The following NPAS3 variants were observed in gnomAD, a reference collection of about 807,000 sequenced individuals.
The protein encoded by NPAS3 is neuronal PAS domain-containing protein 3.
NPAS3 carries 14 observed loss-of-function variants against 73.1 expected under a neutral mutation model. That is an observed-to-expected ratio of 0.19 (90% CI 0.13 to 0.30). The LOEUF (loss-of-function observed/expected upper bound fraction) is 0.30, where lower values mean the gene tolerates loss of function less well. NPAS3 is among the 10% of genes least tolerant of loss of function. NPAS3 has a pLI of 1.00. For missense variants in NPAS3, 1,096 were observed against 1,250.0 expected (o/e 0.88, Z 1.86); for synonymous variants, 620 against 541.5 (o/e 1.14, Z -2.01).
At chr14:33,295,868 G>A (rs1331375798) in intron 3 of NPAS3, among the ~76,000 whole-genome samples, 2 of 152,154 alleles carry the variant, frequency 1.3e-5, no homozygotes, top group Non-Finnish European at 2.9e-5. Flanking sequence ...AGAATACAAT[G>A]GGATGGAATT....
At chr14:32,960,436 C>T (rs1485384377) in intron 1 of NPAS3, among the ~76,000 whole-genome samples, 1 of 152,086 alleles carries the variant, frequency 6.6e-6, no homozygotes, top group African/African-American at 2.4e-5. Context: ...AAAAGACATA[C>T]CTCTTCCAGC....
chr14:33,286,355 TTTTATTCATTCC>T (rs1330772812), intron 3 of NPAS3, among the ~76,000 whole-genome samples: 3 of 152,232 alleles, frequency 2.0e-5, no homozygotes, highest in East Asian at 3.8e-4. Flanking sequence ...TGAACAATGC[TTTTATTCATTCC>T]TTTATTCATT....
chr14:33,446,166 CTTTTTTTT>C (rs71118544), intron 4 of NPAS3, among the ~76,000 whole-genome samples: 18,731 of 120,018 alleles, frequency 0.16, 1,523 homozygotes, highest in African/African-American at 0.28. Context: ...TTCATGCTTT[CTTTTTTTT>C]TTTTTTTTTT....
At chr14:33,656,169 G>GTCCT (rs2059140714) in intron 5 of NPAS3, among the ~76,000 whole-genome samples, 5 of 151,554 alleles carry the variant, frequency 3.3e-5, no homozygotes, top group Non-Finnish European at 7.4e-5. Context: ...ACTGCAAACA[G>GTCCT]AAGACTAGTA....
chr14:33,014,759 G>A (rs2039333749), intron 1 of NPAS3, among the ~76,000 whole-genome samples: 1 of 152,206 alleles, frequency 6.6e-6, no homozygotes, highest in Non-Finnish European at 1.5e-5. Context: ...AAGAACACCA[G>A]CGGGAAATTA....
At chr14:33,291,059 A>G (rs2042080300) in intron 3 of NPAS3, among the ~76,000 whole-genome samples, 1 of 151,996 alleles carries the variant, frequency 6.6e-6, no homozygotes, top group African/African-American at 2.4e-5. Context: ...TGCAATACGA[A>G]TGGCTTTACT....
At chr14:33,181,726 C>T (rs1302200047) in intron 2 of NPAS3, among the ~76,000 whole-genome samples, 1 of 152,118 alleles carries the variant, frequency 6.6e-6, no homozygotes, top group Non-Finnish European at 1.5e-5. Context: ...ATTCAAGTGA[C>T]AAAAGTGGAA....
chr14:33,157,211 T>A (rs1434715144), intron 2 of NPAS3, among the ~76,000 whole-genome samples: 1 of 152,226 alleles, frequency 6.6e-6, no homozygotes, highest in Non-Finnish European at 1.5e-5. Flanking sequence ...TGATCTAGAA[T>A]TAAAGAGATT....
chr14:33,801,360 G>A (rs1595647493), downstream of NPAS3: 41 of 623,526 alleles, frequency 6.6e-5, no homozygotes, highest in East Asian at 1.3e-3. Context: ...GGTGTGTGTT[G>A]GGTTGTTTTG....
chr14:33,104,434 A>G (rs749036401), intron 2 of NPAS3, among the ~76,000 whole-genome samples: 30 of 152,228 alleles, frequency 2.0e-4, no homozygotes, highest in Non-Finnish European at 4.0e-4. Flanking sequence ...CACTGTAGTG[A>G]GTTGTAGAAA....
intron 1 of NPAS3, among the ~76,000 whole-genome samples, chr14:32,965,597 A>G (rs533443254): frequency 6.6e-6 from 1 of 152,332 alleles, no homozygotes; most frequent in African/African-American, 2.4e-5. Flanking sequence ...CCCACAGCTA[A>G]CATCGTACTG....
chr14:33,268,830 T>C (rs1252372342), intron 3 of NPAS3, among the ~76,000 whole-genome samples: 1 of 152,238 alleles, frequency 6.6e-6, no homozygotes, highest in African/African-American at 2.4e-5. Flanking sequence ...TTCCCTATTG[T>C]AATATTTTCT....
chr14:33,787,152 T>C (rs892103607), intron 9 of NPAS3, among the ~76,000 whole-genome samples: 1 of 152,188 alleles, frequency 6.6e-6, no homozygotes, highest in Non-Finnish European at 1.5e-5. Flanking sequence ...CTGGTCAGAC[T>C]GAAAACAGCT....
chr14:33,154,222 A>G (rs964311640), intron 2 of NPAS3, among the ~76,000 whole-genome samples: 1 of 152,170 alleles, frequency 6.6e-6, no homozygotes, highest in Non-Finnish European at 1.5e-5. Flanking sequence ...CCAATTCACT[A>G]TATTGACAGC....
intron 2 of NPAS3, among the ~76,000 whole-genome samples, chr14:33,076,481 T>C (rs1342584533): frequency 1.3e-5 from 2 of 152,228 alleles, no homozygotes; most frequent in Admixed American, 6.5e-5. Context: ...TAGAACAGCT[T>C]TCCTTCATTT....
chr14:33,416,675 A>G (rs1189247097), intron 4 of NPAS3, among the ~76,000 whole-genome samples: 1 of 152,046 alleles, frequency 6.6e-6, no homozygotes, highest in Non-Finnish European at 1.5e-5. Context: ...TGCTTAGCAA[A>G]TGACAGTAAT....
chr14:33,332,256 C>G (rs993429750), intron 3 of NPAS3, among the ~76,000 whole-genome samples: 1 of 152,138 alleles, frequency 6.6e-6, no homozygotes, highest in Non-Finnish European at 1.5e-5. Context: ...GACCTCTTAA[C>G]TAAAATAAGT....
At chr14:33,789,582 A>ATTTTTT (rs1566544083) in intron 9 of NPAS3, among the ~76,000 whole-genome samples, 1 of 89,216 alleles carries the variant, frequency 1.1e-5, no homozygotes. Context: ...CTAGAGTACA[A>ATTTTTT]CTTTTTTTTT....
intron 3 of NPAS3, among the ~76,000 whole-genome samples, chr14:33,296,764 A>T (rs755135361): frequency 2.6e-5 from 4 of 152,206 alleles, no homozygotes; most frequent in Non-Finnish European, 4.4e-5. Flanking sequence ...GATGACGGAA[A>T]TGACAAAGCT....
Sources: gnomAD v4.1 joint callset for allele counts (sites outside exome capture counted in the v4.1 genomes callset) on GRCh38, gnomAD v4.1.1 for gene constraint, MANE v1.5 for transcripts, NCBI Gene and HGNC (gene_info 2026-07-23, HGNC 2026-07-21) for gene names.